The following SYNRG variants were observed in gnomAD, a reference collection of about 807,000 sequenced individuals.
SYNRG encodes the protein synergin gamma, also known as AP1 gamma subunit binding protein 1.
In SYNRG, 37 loss-of-function variants were observed where a neutral mutation model predicts 130.9. The ratio of observed to expected loss-of-function variants is 0.28; its 90% confidence interval spans 0.22 to 0.37. The LOEUF is 0.37. SYNRG is among the 10% of genes least tolerant of loss of function. The probability of loss-of-function intolerance (pLI) is 1.00; values close to 1 mark genes in which losing one functional copy is unlikely to be tolerated. For missense variants in SYNRG, 1,338 were observed against 1,588.9 expected, an observed-to-expected ratio of 0.84 and a Z score of 2.68; for synonymous variants, 539 against 568.1, an observed-to-expected ratio of 0.95 and a Z score of 0.73.
chr17:37,609,099 A>G (rs2064141829), intron 1 of SYNRG, among the ~76,000 whole-genome samples, 180 bp downstream of exon 1: 1 of 149,756 alleles, frequency 6.7e-6, no homozygotes, highest in African/African-American at 2.5e-5. Flanking sequence ...CCGGAACACC[A>G]GCGTCCAGCA....
intron 19 of SYNRG, among the ~76,000 whole-genome samples, chr17:37,525,767 A>C (rs1006468553): frequency 3.3e-5 from 5 of 152,312 alleles, no homozygotes; most frequent in Middle Eastern, 3.4e-3. Context: ...GGCTTTGGAG[A>C]CCAGCCTGGC....
chr17:37,559,551 A>G (rs1240076922), intron 13 of SYNRG, among the ~76,000 whole-genome samples: 1 of 152,194 alleles, frequency 6.6e-6, no homozygotes, highest in Non-Finnish European at 1.5e-5. Flanking sequence ...TTAGTCAGGC[A>G]TGGTGGCAGG....
chr17:37,609,192 G>A lies in SYNRG; in HGVS notation c.77+87C>T. On this transcript the variant is annotated intron_variant, in intron 1 of 21. Transcript: ENST00000612223. ...AGCCCAGTTCCAAGGAAAAGGATCA[G>A]GGCTGGAGAAAACTGCCATAACTGC... 2.3e-6 allele frequency: 3 copies of A among 1,318,562 alleles called. No individual in the cohort carries two copies. The South Asian group carries it at 5.4e-5, about 24-fold the overall frequency. 81.7% of individuals were successfully genotyped at this position (1,318,562 alleles called of 1,614,324 possible). A position where few individuals can be genotyped will look rare whatever the true frequency, so the allele number is the denominator to read the frequency against.
At chr17:37,525,562 G>A (rs1025183615) in intron 19 of SYNRG, among the ~76,000 whole-genome samples, 3 of 152,214 alleles carry the variant, frequency 2.0e-5, no homozygotes, top group Non-Finnish European at 4.4e-5. Flanking sequence ...CGGGAGTATG[G>A]TGGCTCACAC....
chr17:37,538,018 G>A (rs762282380), intron 18 of SYNRG, among the ~76,000 whole-genome samples: 13 of 152,216 alleles, frequency 8.5e-5, no homozygotes, highest in Non-Finnish European at 1.8e-4. Context: ...AGGAATTGAT[G>A]GGAGACAAGA....
At chr17:37,532,301 A>G (rs2144418618) in intron 19 of SYNRG, among the ~76,000 whole-genome samples, 1 of 152,344 alleles carries the variant, frequency 6.6e-6, no homozygotes, top group African/African-American at 2.4e-5. Context: ...ATTCCATCCT[A>G]CAGTATGTAG....
At chr17:37,528,222 C>A (rs1272629134) in intron 19 of SYNRG, among the ~76,000 whole-genome samples, 1 of 152,142 alleles carries the variant, frequency 6.6e-6, no homozygotes, top group Non-Finnish European at 1.5e-5. Context: ...GGCCTCTGCA[C>A]TTCTTGGCTC....
At chr17:37,554,810 C>G (rs543210998) in intron 13 of SYNRG, among the ~76,000 whole-genome samples, 11 of 152,140 alleles carry the variant, frequency 7.2e-5, no homozygotes, top group African/African-American at 2.7e-4. Context: ...TCAATGAGCA[C>G]TTATTTTTAT....
At chr17:37,554,244 T>C (rs1267705608) in intron 13 of SYNRG, among the ~76,000 whole-genome samples, 185 bp from the exon 14 acceptor site, 2 of 152,238 alleles carry the variant, frequency 1.3e-5, no homozygotes, top group South Asian at 2.1e-4. Flanking sequence ...AGTCTAGTGA[T>C]ACTGAAATAA....
chr17:37,574,374 G>A (rs2060650072), intron 8 of SYNRG, among the ~76,000 whole-genome samples: 1 of 152,124 alleles, frequency 6.6e-6, no homozygotes, highest in African/African-American at 2.4e-5. Context: ...TAACCCAAAA[G>A]TAAAGGCAAT....
intron 16 of SYNRG, among the ~76,000 whole-genome samples, chr17:37,539,902 T>C (rs1021992727): frequency 6.6e-6 from 1 of 152,200 alleles, no homozygotes; most frequent in African/African-American, 2.4e-5. Context: ...GCCCCAGTTA[T>C]AACGCTGTGT....
intron 1 of SYNRG, chr17:37,605,724 C>T (rs1358758276): frequency 1.3e-6 from 1 of 798,932 alleles, no homozygotes; most frequent in Non-Finnish European, 1.5e-6. Flanking sequence ...TGGCAAAAAA[C>T]TGGGCAGGAA....
At chr17:37,544,535 G>C (rs1383674042) in intron 14 of SYNRG, among the ~76,000 whole-genome samples, 1 of 152,042 alleles carries the variant, frequency 6.6e-6, no homozygotes, top group Non-Finnish European at 1.5e-5. Context: ...GGCTGGTCTT[G>C]AACTCCTGAC....
At chr17:37,566,045 G>T (rs1421997708) in intron 11 of SYNRG, among the ~76,000 whole-genome samples, 8 of 145,980 alleles carry the variant, frequency 5.5e-5, no homozygotes, top group Non-Finnish European at 6.0e-5. Flanking sequence ...CAGCCGTCCC[G>T]TCCGGGAGGT....
At chr17:37,586,050 G>T (rs769097807) in intron 4 of SYNRG, among the ~76,000 whole-genome samples, 1 of 152,134 alleles carries the variant, frequency 6.6e-6, no homozygotes, top group African/African-American at 2.4e-5. Context: ...CTGGAGTACC[G>T]TGGCATGATC....
chr17:37,530,975 G>A (rs1042216367), intron 19 of SYNRG, among the ~76,000 whole-genome samples: 8 of 152,218 alleles, frequency 5.3e-5, no homozygotes, highest in Non-Finnish European at 7.3e-5. Context: ...TAGTCTGGGC[G>A]TGGTGGCTCA....
intron 19 of SYNRG, among the ~76,000 whole-genome samples, 176 bp downstream of exon 19, chr17:37,535,803 A>G (rs1179172856): frequency 1.3e-5 from 2 of 152,224 alleles, no homozygotes; most frequent in Non-Finnish European, 2.9e-5. Flanking sequence ...GAGAGATCAG[A>G]AGCCCACCTG....
chr17:37,539,073 C>A, intron 17 of SYNRG, 119 bp downstream of exon 17: 1 of 1,513,228 alleles, frequency 6.6e-7, no homozygotes, highest in Non-Finnish European at 8.8e-7. Context: ...ACTCTTTGCC[C>A]AGGGACATCC....
chr17:37,591,482 T>C (rs2062184600), intron 3 of SYNRG, among the ~76,000 whole-genome samples: 1 of 152,076 alleles, frequency 6.6e-6, no homozygotes, highest in Admixed American at 6.5e-5. Context: ...CCAAAATTAA[T>C]ATGGAAAGAC....
Sources: allele counts gnomAD v4.1 joint callset (sites outside exome capture counted in the v4.1 genomes callset), GRCh38; gene constraint gnomAD v4.1.1; transcripts MANE v1.5; gene names NCBI Gene and HGNC (gene_info 2026-07-23, HGNC 2026-07-21).